The following SAFB2 variants were observed in gnomAD, a reference collection of about 807,000 sequenced individuals.
The protein encoded by SAFB2 is scaffold attachment factor B2.
In SAFB2, 32 loss-of-function variants were observed where a neutral mutation model predicts 100.6. The ratio of observed to expected loss-of-function variants is 0.32; its 90% confidence interval spans 0.24 to 0.43. The LOEUF is 0.43. Ranked by LOEUF, SAFB2 falls within the 20% of genes least tolerant of loss-of-function variation. SAFB2 has a pLI of 1.00. For synonymous variants in SAFB2, 500 were observed against 439.4 expected, an observed-to-expected ratio of 1.14 and a Z score of -1.72; for missense variants, 1,185 against 1,163.4, an observed-to-expected ratio of 1.02 and a Z score of -0.27.
intron 11 of SAFB2, among the ~76,000 whole-genome samples, chr19:5,601,371 T>TACTTCATAC (rs1446810035): frequency 1.3e-5 from 2 of 152,158 alleles, no homozygotes; most frequent in Non-Finnish European, 2.9e-5. Flanking sequence ...AACGAGGCCA[T>TACTTCATAC]ACTTCATACA....
intron 17 of SAFB2, among the ~76,000 whole-genome samples, chr19:5,591,061 C>T (rs2052388374): frequency 6.6e-6 from 1 of 152,086 alleles, no homozygotes; most frequent in African/African-American, 2.4e-5. Context: ...GCCCGGGCTC[C>T]CCCATCCCCC....
intron 11 of SAFB2, among the ~76,000 whole-genome samples, chr19:5,601,311 C>T (rs985100851): frequency 6.6e-6 from 1 of 152,196 alleles, no homozygotes; most frequent in Non-Finnish European, 1.5e-5. Flanking sequence ...GTCTGCCTGA[C>T]CGCAGTAATC....
intron 2 of SAFB2, among the ~76,000 whole-genome samples, chr19:5,618,192 G>A (rs901387878): frequency 3.3e-5 from 5 of 151,988 alleles, no homozygotes; most frequent in Admixed American, 6.6e-5. Flanking sequence ...ATACTTTCCC[G>A]TCTCTACTAA....
chr19:5,600,746 G>A (rs139827265), intron 11 of SAFB2, among the ~76,000 whole-genome samples: 7 of 152,274 alleles, frequency 4.6e-5, no homozygotes, highest in Non-Finnish European at 8.8e-5. Context: ...TACCCGTGAG[G>A]CCAACACCCC....
intron 2 of SAFB2, among the ~76,000 whole-genome samples, chr19:5,618,244 C>T (rs2053074248): frequency 6.6e-6 from 1 of 152,202 alleles, no homozygotes; most frequent in African/African-American, 2.4e-5. Context: ...CGCCTGTAGT[C>T]TCAGCTACTC....
chr19:5,602,677 G>A (rs2052688416), intron 11 of SAFB2, among the ~76,000 whole-genome samples: 2 of 151,990 alleles, frequency 1.3e-5, no homozygotes, highest in South Asian at 4.2e-4. Context: ...AAGGACCAAG[G>A]AAACTGCTGC....
chr19:5,597,576 G>T (rs763104767), intron 13 of SAFB2, among the ~76,000 whole-genome samples: 11 of 152,158 alleles, frequency 7.2e-5, no homozygotes, highest in African/African-American at 2.7e-4. Context: ...AGGCACAGGG[G>T]ACGTGTGTGC....
Position 5,587,359 on chromosome 19 carries a change from C to G in SAFB2, c.2746G>C (p.Val916Leu). 6.2e-7 allele frequency: 1 copy of G among 1,613,134 alleles called. No individual in the cohort carries two copies. The highest frequency in any genetic ancestry group is 8.5e-7 in the Non-Finnish European group (1 of 1,179,632). ...FAQGGHSQGH[V>L]VPGGGLEGGG... ...CCTTCCAGTCCGCCACCTGGCACCA[C>G]GTGGCCCTGGGAATGTCCACCTTGT... The change falls in exon 21 of 21, where the codon GTG (valine) becomes CTG (leucine). Residue 916 changes from valine to leucine, a missense_variant. By Grantham distance (32) the Val-to-Leu change is conservative. Around this residue, in one of 3 missense-constraint regions of SAFB2, gnomAD observed 740 missense variants for 687.1 expected, o/e 1.08. Coordinates refer to ENST00000252542, the MANE Select transcript of SAFB2 (RefSeq NM_014649.3). The surrounding 1 kb of genome is among the most constrained non-coding windows in gnomAD (Gnocchi z 4.9).
intron 5 of SAFB2, among the ~76,000 whole-genome samples, chr19:5,613,195 TG>T (rs1225397281): frequency 1.3e-5 from 2 of 152,186 alleles, no homozygotes; most frequent in African/African-American, 4.8e-5. Flanking sequence ...GTCAGACCTC[TG>T]GGAAGAGTTC....
chr19:5,621,500 G>A, intron 1 of SAFB2, 104 bp from the exon 2 acceptor site: 1 of 800,098 alleles, frequency 1.2e-6, no homozygotes, highest in South Asian at 1.4e-5. Flanking sequence ...ACCCGTCCTT[G>A]CAAAGAGCAA....
At chr19:5,591,602 G>T in intron 17 of SAFB2, 146 bp downstream of exon 17, 1 of 685,058 alleles carries the variant, frequency 1.5e-6, no homozygotes, top group Non-Finnish European at 2.5e-6. Context: ...CTAGTCGCTG[G>T]CCAGAACCCA....
chr19:5,617,220 T>A (rs558603782), intron 2 of SAFB2, among the ~76,000 whole-genome samples: 7 of 152,296 alleles, frequency 4.6e-5, no homozygotes, highest in African/African-American at 1.7e-4. Context: ...TGGCTCTCCC[T>A]ATATTCCACC....
At chr19:5,614,213 G>T (rs529562805) in intron 4 of SAFB2, among the ~76,000 whole-genome samples, 1 of 152,074 alleles carries the variant, frequency 6.6e-6, no homozygotes, top group African/African-American at 2.4e-5. Context: ...TCAGCCTCCC[G>T]GAGTGTTGGG....
intron 1 of SAFB2, among the ~76,000 whole-genome samples, chr19:5,622,154 G>A (rs1411326513): frequency 6.6e-6 from 1 of 152,160 alleles, no homozygotes; most frequent in Non-Finnish European, 1.5e-5. Flanking sequence ...AAATGCTCTG[G>A]AGTCCGCCAG....
intron 2 of SAFB2, among the ~76,000 whole-genome samples, chr19:5,618,770 G>A (rs915182950): frequency 2.6e-5 from 4 of 152,214 alleles, no homozygotes; most frequent in South Asian, 2.1e-4. Context: ...CTAATGTGGC[G>A]CAGACAGGCG....
chr19:5,619,847 A>G (rs936433161), intron 2 of SAFB2, among the ~76,000 whole-genome samples: 3 of 138,666 alleles, frequency 2.2e-5, no homozygotes, highest in African/African-American at 3.1e-5. Flanking sequence ...CTCCATCGCA[A>G]AAAAAAAAAA....
intron 1 of SAFB2, among the ~76,000 whole-genome samples, chr19:5,622,245 G>A (rs2053173373): frequency 6.6e-6 from 1 of 152,232 alleles, no homozygotes; most frequent in Admixed American, 6.5e-5. Flanking sequence ...GCTCGATCGG[G>A]AGCCCCAGGA....
chr19:5,589,947 C>T (rs192662865), intron 18 of SAFB2, among the ~76,000 whole-genome samples: 26 of 152,280 alleles, frequency 1.7e-4, no homozygotes, highest in African/African-American at 5.8e-4. Context: ...CTACCACGGA[C>T]GGGGCAGGAC....
At chr19:5,616,637 TGTTTTC>T in intron 2 of SAFB2, 151 bp from the exon 3 acceptor site, 1 of 568,356 alleles carries the variant, frequency 1.8e-6, no homozygotes, top group Admixed American at 3.5e-5. Flanking sequence ...TGTCTCAATT[TGTTTTC>T]TTTTTTTTTT....
Sources: allele counts gnomAD v4.1 joint callset (sites outside exome capture counted in the v4.1 genomes callset), GRCh38; gene constraint gnomAD v4.1.1; regional missense constraint gnomAD v4.1.1; non-coding constraint Gnocchi (gnomAD v3.1); transcripts MANE v1.5; gene names NCBI Gene and HGNC (gene_info 2026-07-23, HGNC 2026-07-21).